Variants in TNRC6C observed in about 807,000 individuals in gnomAD.
TNRC6C encodes trinucleotide repeat containing adaptor 6C, also known as trinucleotide repeat-containing gene 6C protein.
In TNRC6C, 20 loss-of-function variants were observed where a neutral mutation model predicts 153.7. That is an observed-to-expected ratio of 0.13 (90% CI 0.09 to 0.19). The LOEUF is 0.19. Among genes scored for constraint, TNRC6C ranks in the 10% least tolerant of loss-of-function variants. The pLI is 1.00. For missense variants in TNRC6C, 1,987 were observed against 2,172.0 expected, an observed-to-expected ratio of 0.91 and a Z score of 1.69; for synonymous variants, 811 against 841.4, an observed-to-expected ratio of 0.96 and a Z score of 0.63.
At chr17:78,019,621 C>G (rs1448344046) in intron 1 of TNRC6C, among the ~76,000 whole-genome samples, 1 of 152,118 alleles carries the variant, frequency 6.6e-6, no homozygotes, top group Non-Finnish European at 1.5e-5. Context: ...AAAGAGTAAC[C>G]AAAATTTCCA....
intron 1 of TNRC6C, among the ~76,000 whole-genome samples, chr17:78,025,048 C>A (rs1413328445): frequency 1.3e-5 from 2 of 152,102 alleles, no homozygotes; most frequent in Non-Finnish European, 2.9e-5. Context: ...ACCGCAGCCT[C>A]CCGAAGTGCT....
At chr17:77,958,519 A>G (rs2070830022), upstream of TNRC6C, among the ~76,000 whole-genome samples, 1 of 151,242 alleles carries the variant, frequency 6.6e-6, no homozygotes, top group South Asian at 2.1e-4. Flanking sequence ...ATGGGCCGGG[A>G]GGGGCGCGCG....
chr17:78,064,989 A>T (rs915158509), intron 4 of TNRC6C, 52 bp downstream of exon 6: 1 of 1,522,426 alleles, frequency 6.6e-7, no homozygotes, highest in Non-Finnish European at 8.9e-7. Context: ...AATGACTCAA[A>T]GTATTGAATT....
At chr17:77,960,461 C>T (rs9912734) in intron 1 of TNRC6C, among the ~76,000 whole-genome samples, 12,384 of 152,220 alleles carry the variant, frequency 0.081, 1,323 homozygotes, top group African/African-American at 0.25. Context: ...TGCATAAGGC[C>T]TACTTTATGC....
chr17:78,097,742 C>T lies in TNRC6C; in HGVS notation c.4307-601C>T. 4 of 1,545,172 alleles carry T rather than the reference C, an allele frequency of 2.6e-6. No homozygotes were observed. Among genetic ancestry groups the T allele is most frequent in the Non-Finnish European group, 2.6e-6 (3 of 1,142,994 alleles). On this transcript the variant is annotated intron_variant, in intron 16 of 19. Transcript: ENST00000301624. ...TTGCTCAGTGCCGTGTTTGGTTCTGCAGGGTCCTCCCCGCCATCATCTCAG... is the reference window on the plus strand; with the variant it reads ...TTGCTCAGTGCCGTGTTTGGTTCTGTAGGGTCCTCCCCGCCATCATCTCAG...
intron 1 of TNRC6C, among the ~76,000 whole-genome samples, chr17:78,019,098 C>A (rs1256493904): frequency 6.6e-6 from 1 of 151,930 alleles, no homozygotes; most frequent in Non-Finnish European, 1.5e-5. Context: ...GAAGGAAGGT[C>A]GGGGGCCTCG....
chr17:77,960,681 TAG>T (rs1232199865), intron 1 of TNRC6C, among the ~76,000 whole-genome samples: 1 of 152,162 alleles, frequency 6.6e-6, no homozygotes, highest in African/African-American at 2.4e-5. Context: ...ACTTGGTTAG[TAG>T]AGGGCACCTT....
At chr17:77,995,559 G>C (rs1196728549) in intron 1 of TNRC6C, among the ~76,000 whole-genome samples, 4 of 152,220 alleles carry the variant, frequency 2.6e-5, no homozygotes, top group African/African-American at 9.7e-5. Context: ...ATGCTTATCA[G>C]TGGTTACAGA....
intron 1 of TNRC6C, among the ~76,000 whole-genome samples, chr17:78,006,745 T>C (rs1450610647): frequency 1.3e-5 from 2 of 151,910 alleles, no homozygotes; most frequent in Non-Finnish European, 2.9e-5. Context: ...GATTGTGAAT[T>C]ACATTGTCCC....
intron 8 of TNRC6C, among the ~76,000 whole-genome samples, chr17:78,076,383 T>C (rs2073085910): frequency 1.3e-5 from 2 of 152,174 alleles, no homozygotes; most frequent in African/African-American, 4.8e-5. Flanking sequence ...CCCTCGCCAG[T>C]GGGGACTGAG....
At chr17:78,102,993 A>G (rs1264215393) in intron 18 of TNRC6C, among the ~76,000 whole-genome samples, 2 of 152,142 alleles carry the variant, frequency 1.3e-5, no homozygotes, top group Non-Finnish European at 2.9e-5. Context: ...ACATTTTTTA[A>G]AAGAGTCGTT....
chr17:78,018,765 G>T (rs1244715246), intron 1 of TNRC6C, among the ~76,000 whole-genome samples: 1 of 152,142 alleles, frequency 6.6e-6, no homozygotes, highest in Non-Finnish European at 1.5e-5. Flanking sequence ...AGAGGAGGCT[G>T]AGCTGTAGAA....
At chr17:78,059,353 T>G in intron 3 of TNRC6C, among the ~76,000 whole-genome samples, 1 of 152,174 alleles carries the variant, frequency 6.6e-6, no homozygotes, top group East Asian at 1.9e-4. Context: ...GGCTGGGTTG[T>G]TTTTGCTTTC....
chr17:78,047,311 G>A (rs2072432246), intron 2 of TNRC6C, among the ~76,000 whole-genome samples: 1 of 152,110 alleles, frequency 6.6e-6, no homozygotes, highest in African/African-American at 2.4e-5. Flanking sequence ...GGGTTATAGA[G>A]CCAACCCCTA....
intron 16 of TNRC6C, among the ~76,000 whole-genome samples, chr17:78,096,648 C>G (rs2073493036): frequency 6.6e-6 from 1 of 152,228 alleles, no homozygotes; most frequent in South Asian, 2.1e-4. Flanking sequence ...CCGTCCGATT[C>G]TGTTTATGGT....
At chr17:78,103,340 G>GTTTTTT in intron 18 of TNRC6C, 74 bp from the exon 22 acceptor site, 1 of 1,562,284 alleles carries the variant, frequency 6.4e-7, no homozygotes, top group Non-Finnish European at 8.7e-7. Context: ...AATTTCATAC[G>GTTTTTT]TTTTTTCTTT....
intron 1 of TNRC6C, among the ~76,000 whole-genome samples, chr17:77,993,236 A>G (rs1000674812): frequency 2.0e-5 from 3 of 152,212 alleles, no homozygotes; most frequent in Non-Finnish European, 2.9e-5. Context: ...TGCTGGGATT[A>G]CAGGCGTGAG....
intron 12 of TNRC6C, 35 bp downstream of exon 14, chr17:78,086,621 T>C: frequency 1.2e-6 from 2 of 1,602,188 alleles, no homozygotes; most frequent in Non-Finnish European, 1.7e-6. Context: ...TGTCATGAGC[T>C]ATAATTTTCC....
At chr17:78,036,718 G>A (rs560265580) in intron 2 of TNRC6C, among the ~76,000 whole-genome samples, 33 of 152,250 alleles carry the variant, frequency 2.2e-4, no homozygotes, top group African/African-American at 7.7e-4. Flanking sequence ...GAGGTCAGGA[G>A]TTTAAGACCA....
Sources: gnomAD v4.1 joint callset for allele counts (sites outside exome capture counted in the v4.1 genomes callset) on GRCh38, gnomAD v4.1.1 for gene constraint, MANE v1.5 for transcripts, NCBI Gene and HGNC (gene_info 2026-07-23, HGNC 2026-07-21) for gene names.